MYO9B: variants seen among roughly 807,000 people sequenced by gnomAD.
The protein encoded by MYO9B is myosin IXB.
In MYO9B, 71 loss-of-function variants were observed where a neutral mutation model predicts 229.5. That is an observed-to-expected ratio of 0.31 (90% CI 0.26 to 0.38). MYO9B has a LOEUF of 0.38. Among genes scored for constraint, MYO9B ranks in the 10% least tolerant of loss-of-function variants. The pLI is 1.00. For synonymous variants in MYO9B, 1,185 were observed against 1,235.8 expected (o/e 0.96, Z 0.86); for missense variants, 2,255 against 2,920.5 (o/e 0.77, Z 5.25).
At chr19:17,082,491 G>A (rs1403150445) in intron 1 of MYO9B, among the ~76,000 whole-genome samples, 7 of 152,146 alleles carry the variant, frequency 4.6e-5, no homozygotes, top group Non-Finnish European at 1.0e-4. Context: ...GCATCTCCAC[G>A]AGGAGGCGTC....
At chr19:17,084,101 G>A (rs11882867) in intron 1 of MYO9B, among the ~76,000 whole-genome samples, 116,526 of 151,862 alleles carry the variant, frequency 0.77, 45,218 homozygotes, top group African/African-American at 0.86. Flanking sequence ...TTTGGGAGGC[G>A]GAGGTGGGAG....
At chr19:17,206,657 C>A in intron 33 of MYO9B, 22 bp from the exon 34 acceptor site, 2 of 1,553,664 alleles carry the variant, frequency 1.3e-6, no homozygotes, top group Non-Finnish European at 1.7e-6. Context: ...GAGCTGACGT[C>A]CTCAAACCCC....
intron 3 of MYO9B, among the ~76,000 whole-genome samples, chr19:17,150,391 G>C (rs1003090863): frequency 6.6e-6 from 1 of 151,230 alleles, no homozygotes; most frequent in Non-Finnish European, 1.5e-5. Flanking sequence ...CTGGGTGGCA[G>C]AGTGAGACTC....
rs1291356734 is a variant in MYO9B at position 17,212,671 on chromosome 19, T to G, written c.*361T>G. ...GGAAGACCAAATGGTTTTTTATATG[T>G]GTATGTACAAAGTTTTCTATTAACG... On this transcript the variant is annotated 3_prime_UTR_variant, in exon 40 of 40. Coordinates refer to ENST00000682292, the MANE Select transcript of MYO9B (RefSeq NM_004145.4). This position sits in a 1 kb window ranked among gnomAD's most constrained non-coding sequence, Gnocchi z 5.4. 3.3e-5 allele frequency: 8 copies of G among 245,248 alleles called. No individual in the cohort carries two copies. The Admixed American group carries it at 4.3e-4, about 13-fold the overall frequency. 15.2% of individuals were successfully genotyped at this position (245,248 alleles called of 1,614,324 possible).
At position 17,195,598 on chromosome 19, in the gene MYO9B, A is replaced by AG; in HGVS notation, c.4046+128dup. On this transcript the variant is annotated intron_variant, in intron 22 of 39. Transcript: ENST00000682292. This position sits in a 1 kb window ranked among gnomAD's most constrained non-coding sequence, Gnocchi z 4.5. Reference sequence around the variant, plus strand: ...GCCCAGTGGGTGTGCGGGAGGCCTGAGGGAGGAGGACGAGCAGGACATGCT... The same window carrying AG: ...GCCCAGTGGGTGTGCGGGAGGCCTGAGGGGAGGAGGACGAGCAGGACATGCT... 8.1e-7 allele frequency: 1 copy of AG among 1,238,692 alleles called. No homozygotes were observed. The highest frequency in any genetic ancestry group is 2.5e-5 in the East Asian group (1 of 39,332). The allele number at this position is 1,238,692 out of a possible 1,614,324, so 76.7% of individuals were successfully genotyped here.
intron 10 of MYO9B, among the ~76,000 whole-genome samples, chr19:17,164,241 G>A (rs2072635292): frequency 1.3e-5 from 2 of 152,202 alleles, no homozygotes; most frequent in Admixed American, 6.5e-5. Flanking sequence ...AGCCCAGGAT[G>A]AGGCAAATGT....
intron 1 of MYO9B, among the ~76,000 whole-genome samples, chr19:17,085,670 A>C (rs1159009430): frequency 6.6e-6 from 1 of 151,674 alleles, no homozygotes; most frequent in Non-Finnish European, 1.5e-5. Context: ...ATAAAAAAAA[A>C]AAAAAATTGA....
At chr19:17,088,119 C>T (rs1030282734) in intron 1 of MYO9B, among the ~76,000 whole-genome samples, 1 of 152,160 alleles carries the variant, frequency 6.6e-6, no homozygotes, top group Admixed American at 6.5e-5. Context: ...GTCAGCAGGA[C>T]CACACTCCCT....
At chr19:17,169,978 A>G (rs572518638) in intron 11 of MYO9B, among the ~76,000 whole-genome samples, 1 of 151,824 alleles carries the variant, frequency 6.6e-6, no homozygotes, top group Non-Finnish European at 1.5e-5. Flanking sequence ...AGTAGCTGGG[A>G]TCACAGGTGC....
chr19:17,199,034 C>G (rs994497201), intron 24 of MYO9B, among the ~76,000 whole-genome samples: 3 of 151,952 alleles, frequency 2.0e-5, no homozygotes, highest in Non-Finnish European at 1.5e-5. Flanking sequence ...AATCTTGTCT[C>G]TGCAAAAAAA....
At chr19:17,194,509 G>A (rs1013917691) in intron 21 of MYO9B, 47 bp from the exon 22 acceptor site, 2 of 1,587,106 alleles carry the variant, frequency 1.3e-6, no homozygotes, top group African/African-American at 1.3e-5. Context: ...GGGAGGTGGA[G>A]GGAGTGTTTG....
chr19:17,112,699 G>A (rs2057859731), intron 2 of MYO9B, among the ~76,000 whole-genome samples: 1 of 152,222 alleles, frequency 6.6e-6, no homozygotes, highest in African/African-American at 2.4e-5. Context: ...GGCATCCAAG[G>A]GAGAATTGTG....
intron 14 of MYO9B, 138 bp downstream of exon 14, chr19:17,175,879 C>G: frequency 1.5e-6 from 1 of 687,824 alleles, no homozygotes; most frequent in Non-Finnish European, 2.3e-6. Context: ...GTTGCCCAGG[C>G]TGGAGTGCAA....
chr19:17,149,473 G>A (rs1349486633), intron 3 of MYO9B, among the ~76,000 whole-genome samples: 1 of 152,172 alleles, frequency 6.6e-6, no homozygotes, highest in Non-Finnish European at 1.5e-5. Flanking sequence ...GACCAGCTTT[G>A]GAAAGTCGTA....
At position 17,154,402 on chromosome 19, in the gene MYO9B, G is replaced by C. The variant is rs747916577; in HGVS notation, c.1186G>C (p.Ala396Pro). The C allele has an allele frequency of 1.9e-6, 3 of 1,611,526 alleles. No individual in the cohort carries two copies. The African/African-American group carries it at 4.0e-5, about 22-fold the overall frequency. ...QAMEMVGFLP[A>P]TKKQIFAVLS... is the part of the protein sequence containing the mutation. ...CATGGAGATGGTGGGCTTCCTCCCC[G>C]CCACCAAGAAGCAGTAAGTGTGCGG... The change falls in exon 6 of 40, where the codon GCC (alanine) becomes CCC (proline). Residue 396 changes from alanine (A) to proline (P), a missense_variant. Physicochemically the swap from Ala to Pro is conservative, Grantham distance 27 (BLOSUM62 -1). Coordinates refer to ENST00000682292, the MANE Select transcript of MYO9B (RefSeq NM_004145.4).
At position 17,187,767 on chromosome 19, in the gene MYO9B, C is replaced by T. The variant is rs148399088; in HGVS notation, c.2578-168C>T. On this transcript the variant is annotated intron_variant, in intron 18 of 39. Transcript: ENST00000682292. ...GTAGAACACTCCCAGGTCGGCTAGC[C>T]AGCACCCACGTGTGCACCCTGACCA... Among the ~76,000 whole-genome samples, 160 of 152,130 alleles carry T rather than the reference C, an allele frequency of 1.1e-3. No homozygotes were observed. The East Asian group carries it at 0.028, about 27-fold the overall frequency.
chr19:17,171,144 T>G (rs900664082), intron 11 of MYO9B, among the ~76,000 whole-genome samples: 1 of 152,212 alleles, frequency 6.6e-6, no homozygotes, highest in South Asian at 2.1e-4. Context: ...GTTTCATAGC[T>G]ATAGACTCTC....
At chr19:17,149,040 T>C (rs2072448001) in intron 3 of MYO9B, among the ~76,000 whole-genome samples, 1 of 152,096 alleles carries the variant, frequency 6.6e-6, no homozygotes, top group Non-Finnish European at 1.5e-5. Context: ...AATGGCATGA[T>C]TATGGCTCAC....
In MYO9B at chr19:17,102,485, C is replaced by T. The variant is rs1299122671; in HGVS notation, c.768C>T (p.Leu256=). Residue 256 remains leucine (L), a synonymous_variant, in exon 2 of 40, where the codon CTC becomes CTT. Coordinates refer to ENST00000682292, the MANE Select transcript of MYO9B (RefSeq NM_004145.4). ...GCACCAACTTCCTCATCCACTGCCT[C>T]ACCGCCCTCAGCCAGAAGGGCTACG... ...TQSTNFLIHC[L]TALSQKGYAS... The T allele has an allele frequency of 3.7e-6, 6 of 1,613,698 alleles. No individual in the cohort carries two copies. Among genetic ancestry groups the T allele is most frequent in the Non-Finnish European group, 4.2e-6 (5 of 1,179,800 alleles).
Sources: gnomAD v4.1 joint callset for allele counts (sites outside exome capture counted in the v4.1 genomes callset) on GRCh38, gnomAD v4.1.1 for gene constraint, Gnocchi (gnomAD v3.1) non-coding constraint, MANE v1.5 for transcripts, NCBI Gene and HGNC (gene_info 2026-07-23, HGNC 2026-07-21) for gene names.